Variants in SZT2 observed in about 807,000 individuals in gnomAD.
The protein encoded by SZT2 is SZT2 subunit of KICSTOR complex.
A neutral mutation model predicts 404.2 loss-of-function variants in SZT2; 216 were observed. The ratio of observed to expected loss-of-function variants is 0.53; its 90% confidence interval spans 0.48 to 0.60. SZT2 has a LOEUF of 0.60. Ranked by LOEUF, SZT2 falls within the 20% of genes least tolerant of loss-of-function variation. SZT2 has a pLI of 0.00. For synonymous variants in SZT2, 1,693 were observed against 1,749.9 expected (o/e 0.97, Z 0.81); for missense variants, 3,857 against 4,459.2 (o/e 0.86, Z 3.85).
intron 1 of SZT2, among the ~76,000 whole-genome samples, chr1:43,399,790 T>C (rs915104981): frequency 6.7e-6 from 1 of 150,278 alleles, no homozygotes; most frequent in East Asian, 2.0e-4. Flanking sequence ...AATGCAGATA[T>C]AATGTTACTG....
intron 4 of SZT2, chr1:43,412,430 A>C (rs1651173356): frequency 6.6e-6 from 1 of 152,214 alleles, no homozygotes; most frequent in Admixed American, 6.5e-5. Context: ...TGAGTAGCTG[A>C]GACCACAGGT....
rs753266872 is a variant in SZT2, at chr1:43,416,031, T to G, written c.702T>G (p.Asp234Glu). 6.3e-7 allele frequency: 1 copy of G among 1,598,384 alleles called. No homozygotes were observed. The highest frequency in any genetic ancestry group is 1.7e-5 in the Admixed American group (1 of 60,012). ...TAGGCGTCTCCATGGTGACAGCTGA[T>G]CTTGGGCTGGTCAGTATGATTCGTC... Reference protein sequence around the residue: ...RKVGVSMVTADLGLVSMIRQG... With the variant: ...RKVGVSMVTAELGLVSMIRQG... Residue 234 changes from aspartate (D) to glutamate (E), a missense_variant, in exon 6 of 72, where the codon GAT (aspartate) becomes GAG (glutamate). Asp to Glu is a conservative substitution (Grantham distance 45, BLOSUM62 2). Around this residue, in one of 7 missense-constraint regions of SZT2, gnomAD observed 536 missense variants for 637.4 expected, o/e 0.84. Coordinates refer to ENST00000634258, the MANE Select transcript of SZT2 (RefSeq NM_001365999.1).
chr1:43,399,529 T>C (rs1352056078), intron 1 of SZT2, among the ~76,000 whole-genome samples: 1 of 148,172 alleles, frequency 6.7e-6, no homozygotes, highest in Non-Finnish European at 1.5e-5. Flanking sequence ...TGGCGTGATC[T>C]CGACTCACTG....
Position 43,426,655 on chromosome 1 carries a change from C to G in SZT2, c.3215-60C>G. The G allele has an allele frequency of 6.5e-7, 1 of 1,527,080 alleles. No homozygotes were observed. Among genetic ancestry groups the G allele is most frequent in the Non-Finnish European group, 8.9e-7 (1 of 1,126,686 alleles). The allele number at this position is 1,527,080 out of a possible 1,614,324, so 94.6% of individuals were successfully genotyped here. A position where few individuals can be genotyped will look rare whatever the true frequency, so the allele number is the denominator to read the frequency against. On this transcript the variant is annotated intron_variant, in intron 22 of 71. Coordinates refer to ENST00000634258, the MANE Select transcript of SZT2 (RefSeq NM_001365999.1). The surrounding 1 kb of genome is among the most constrained non-coding windows in gnomAD (Gnocchi z 4.9). ...TCCCCTTCCTCCCCCTTTCTTCAAC[C>G]CAGAGTCCCGCCTCTCTGCTGGCCC...
Position 43,448,046 on chromosome 1 carries a change from A to G in SZT2, c.9564-33A>G. Reference sequence around the variant, plus strand: ...CCTGCCCTGTGTGTCTCTTGCTACAACCACCACTCTCCTGCCCTGCTCCCC... The same window carrying G: ...CCTGCCCTGTGTGTCTCTTGCTACAGCCACCACTCTCCTGCCCTGCTCCCC... On this transcript the variant is annotated intron_variant, in intron 68 of 71. Transcript: ENST00000634258. This position sits in a 1 kb window ranked among gnomAD's most constrained non-coding sequence, Gnocchi z 4.2. The G allele has an allele frequency of 1.9e-6, 3 of 1,607,498 alleles. No individual in the cohort carries two copies. The highest frequency in any genetic ancestry group is 2.6e-6 in the Non-Finnish European group (3 of 1,175,542).
intron 8 of SZT2, 46 bp downstream of exon 8, chr1:43,419,990 T>C (rs1652149567): frequency 6.3e-7 from 1 of 1,593,684 alleles, no homozygotes; most frequent in Non-Finnish European, 8.5e-7. Context: ...GAATATAGAA[T>C]GGGCCCAGAG....
At position 43,427,606 on chromosome 1, in the gene SZT2, CCAGA is replaced by C; in HGVS notation, c.3680_3683del (p.Thr1227ArgfsTer22). 6.2e-7 allele frequency: 1 copy of C among 1,614,230 alleles called. No individual in the cohort carries two copies. The highest frequency in any genetic ancestry group is 8.5e-7 in the Non-Finnish European group (1 of 1,180,040). ...AGGCTTACGCTGGGCGTCAGGCTTC[CCAGA>C]CAGAGAGTGCGGATGGGCCCCGGAC... On this transcript the variant is annotated frameshift_variant, in exon 26 of 72. Transcript: ENST00000634258. LOFTEE classifies it high-confidence loss of function.
At position 43,450,274 on chromosome 1, in the gene SZT2, C is replaced by T. The variant is rs1656234636; in HGVS notation, c.10156-63C>T. The T allele has an allele frequency of 1.2e-6, 2 of 1,613,642 alleles. No homozygotes were observed. The highest frequency in any genetic ancestry group is 1.3e-5 in the African/African-American group (1 of 74,882). On this transcript the variant is annotated intron_variant, in intron 71 of 71. Coordinates refer to ENST00000634258, the MANE Select transcript of SZT2 (RefSeq NM_001365999.1). This position sits in a 1 kb window ranked among gnomAD's most constrained non-coding sequence, Gnocchi z 4.3. The stretch of plus-strand genomic sequence containing the variant: ...GTTGGGGTGCCCACCCTTTCTGAGC[C>T]CTGCCTCCTATCCCCACCCATGCCC...
rs754705891 is a variant in SZT2 at position 43,422,191 on chromosome 1, A to T, written c.1735A>T (p.Met579Leu). Residue 579 changes from methionine (M) to leucine (L), a missense_variant, in exon 12 of 72, where the codon ATG becomes TTG. Around this residue, in one of 7 missense-constraint regions of SZT2, gnomAD observed 1,725 missense variants for 1,881.0 expected, o/e 0.92. Coordinates refer to ENST00000634258, the MANE Select transcript of SZT2 (RefSeq NM_001365999.1). ...AAATTCCTGGCAGCGATGGCTGCAC[A>T]TGCATCGCCTGGTGCTAATCCTGGA... ...DANSWQRWLH[M>L]HRLVLILEHD... The T allele has an allele frequency of 1.3e-6, 2 of 1,595,768 alleles. No individual in the cohort carries two copies. The highest frequency in any genetic ancestry group is 1.7e-6 in the Non-Finnish European group (2 of 1,178,100).
intron 4 of SZT2, chr1:43,409,500 G>A (rs1002202071): frequency 7.6e-6 from 3 of 396,174 alleles, no homozygotes; most frequent in African/African-American, 4.2e-5. Flanking sequence ...CAGATGATAT[G>A]ATCTTTTATT....
At position 43,420,073 on chromosome 1, in the gene SZT2, C is replaced by A; in HGVS notation, c.1091-80C>A. The stretch of plus-strand genomic sequence containing the variant: ...TGGCACTGTTACCTCACAGTCATTT[C>A]AGCATAGCCCCTTCCCCCTACAGAT... On this transcript the variant is annotated intron_variant, in intron 8 of 71. Transcript: ENST00000634258. The surrounding 1 kb of genome is among the most constrained non-coding windows in gnomAD (Gnocchi z 5.1). 1 of 1,571,084 alleles carries A rather than the reference C, an allele frequency of 6.4e-7. No individual in the cohort carries two copies.
chr1:43,415,496 G>A (rs1442564474), intron 5 of SZT2, among the ~76,000 whole-genome samples: 1 of 152,130 alleles, frequency 6.6e-6, no homozygotes, highest in Admixed American at 6.5e-5. Flanking sequence ...ATTATGCGTG[G>A]CTTTGACCTC....
Position 43,453,750 on chromosome 1 carries a change from G to A in SZT2, c.*3270G>A. 7.2e-7 allele frequency: 1 copy of A among 1,382,556 alleles called. No individual in the cohort carries two copies. The highest frequency in any genetic ancestry group is 2.6e-4 in the Middle Eastern group (1 of 3,792). 85.6% of individuals were successfully genotyped at this position (1,382,556 alleles called of 1,614,324 possible). ...CCGCGCGGGGAGGCCGGAGAGCTCG[G>A]GGAATAGCCAGGACAGATTGGCGGA... On this transcript the variant is annotated 3_prime_UTR_variant, in exon 72 of 72. Transcript: ENST00000634258.
rs901195092 is a variant in SZT2 at position 43,448,396 on chromosome 1, G to A, written c.9881G>A (p.Arg3294Gln). 3.2e-6 allele frequency: 5 copies of A among 1,574,436 alleles called. No individual in the cohort carries two copies. Among genetic ancestry groups the A allele is most frequent in the Non-Finnish European group, 4.3e-6 (5 of 1,159,980 alleles). Residue 3294 changes from arginine (R) to glutamine (Q), a missense_variant, in exon 69 of 72, where the codon CGG becomes CAG. Transcript: ENST00000634258. The surrounding 1 kb of genome is among the most constrained non-coding windows in gnomAD (Gnocchi z 4.2). ...LLEPPGPDRL[R>Q]LGGRLALAEL... ...GAGCCACCGGGGCCTGATCGACTGC[G>A]GCTAGGGGGGCGCCTGGCCCTGGCA...
Position 43,447,861 on chromosome 1 carries a change from C to T in SZT2, c.9453C>T (p.Tyr3151=). ...LVSAWHSSGS[Y]LDSEGLRHQD... ...CCGTCCTGCACAGTTCTGGCTCCTACCTGGACTCTGAGGGACTTCGACACC... is the reference window on the plus strand; with the variant it reads ...CCGTCCTGCACAGTTCTGGCTCCTATCTGGACTCTGAGGGACTTCGACACC... The change falls in exon 68 of 72, where the codon TAC becomes TAT. Residue 3151 remains tyrosine (Y), a synonymous_variant. Coordinates refer to ENST00000634258, the MANE Select transcript of SZT2 (RefSeq NM_001365999.1). The T allele has an allele frequency of 6.2e-7, 1 of 1,614,098 alleles. No individual in the cohort carries two copies. The highest frequency in any genetic ancestry group is 8.5e-7 in the Non-Finnish European group (1 of 1,180,016).
chr1:43,433,011 C>T lies in SZT2; in HGVS notation c.5625C>T (p.Gly1875=), dbSNP rs746973124. 4 of 1,614,106 alleles carry T rather than the reference C, an allele frequency of 2.5e-6. No homozygotes were observed. The highest frequency in any genetic ancestry group is 1.1e-5 in the South Asian group (1 of 91,088). Residue 1875 remains glycine, a synonymous_variant, in exon 40 of 72, where the codon GGC becomes GGT. Transcript: ENST00000634258. The stretch of plus-strand genomic sequence containing the variant: ...CAGGTTATGATGGTGGCAGCAGTGG[C>T]TCAGACAGTGAGGGTCCCAATGACA... ...DHLGYDGGSS[G]SDSEGPNDTL...
Position 43,430,555 on chromosome 1 carries a change from C to T in SZT2, c.4540C>T (p.Arg1514Trp), listed in dbSNP as rs771790051. The T allele has an allele frequency of 4.2e-5, 68 of 1,614,052 alleles. No homozygotes were observed. The highest frequency in any genetic ancestry group is 3.8e-4 in the Admixed American group (23 of 60,004). The part of the protein sequence containing the change: ...ESDPELEVEY[R>W]ESRESDLGPA... Reference sequence around the variant, plus strand: ...TGACCCAGAGCTAGAGGTAGAATACCGGGAGAGCCGTGAATCAGACCTGGG... The same window carrying T: ...TGACCCAGAGCTAGAGGTAGAATACTGGGAGAGCCGTGAATCAGACCTGGG... The change falls in exon 32 of 72, where the codon CGG (arginine) becomes TGG (tryptophan). Residue 1514 changes from arginine (R) to tryptophan (W), a missense_variant. By Grantham distance (101) the Arg-to-Trp change is moderately radical. Transcript: ENST00000634258.
intron 46 of SZT2, among the ~76,000 whole-genome samples, chr1:43,438,364 A>G (rs183070400): frequency 9.4e-4 from 143 of 152,274 alleles, no homozygotes; most frequent in Non-Finnish European, 1.6e-3. Flanking sequence ...TCCAGCTAAT[A>G]TTTATAGCTC....
chr1:43,397,500 A>G (rs1447679807), intron 1 of SZT2, among the ~76,000 whole-genome samples: 1 of 151,394 alleles, frequency 6.6e-6, no homozygotes, highest in Non-Finnish European at 1.5e-5. Flanking sequence ...TATACAGGAA[A>G]CAAACATTAA....
Sources: gnomAD v4.1 joint callset for allele counts (sites outside exome capture counted in the v4.1 genomes callset) on GRCh38, gnomAD v4.1.1 for gene constraint, gnomAD v4.1.1 regional missense constraint, Gnocchi (gnomAD v3.1) non-coding constraint, MANE v1.5 for transcripts, NCBI Gene and HGNC (gene_info 2026-07-23, HGNC 2026-07-21) for gene names.